The following STX3 variants were observed in gnomAD, a reference collection of about 807,000 sequenced individuals.
STX3 encodes syntaxin-3.
STX3 carries 19 observed loss-of-function variants against 40.2 expected under a neutral mutation model. That is an observed-to-expected ratio of 0.47 (90% CI 0.33 to 0.69). The LOEUF (loss-of-function observed/expected upper bound fraction) is 0.69, where lower values mean the gene tolerates loss of function less well. Among genes scored for constraint, STX3 ranks in the 30% least tolerant of loss-of-function variants. STX3 has a pLI of 0.02. For synonymous variants in STX3, 122 were observed against 132.2 expected, an observed-to-expected ratio of 0.92 and a Z score of 0.53; for missense variants, 364 against 366.7, an observed-to-expected ratio of 0.99 and a Z score of 0.06.
At chr11:59,755,683 G>GA (rs1590735128) in intron 1 of STX3, 48 bp downstream of exon 1, 2 of 1,562,616 alleles carry the variant, frequency 1.3e-6, no homozygotes, top group East Asian at 4.8e-5. Context: ...TGCTGCATGG[G>GA]AGAGGGGCTT....
At chr11:59,797,480 C>G in intron 10 of STX3, 84 bp downstream of exon 10, 1 of 1,014,564 alleles carries the variant, frequency 9.9e-7, no homozygotes, top group African/African-American at 1.6e-5. Context: ...CCTCTTCTTT[C>G]CCCCTATGAT....
Position 59,800,897 on chromosome 11 carries a change from A to C in STX3, c.*73A>C. 6.5e-7 allele frequency: 1 copy of C among 1,536,310 alleles called. No homozygotes were observed. Among genetic ancestry groups the C allele is most frequent in the South Asian group, 1.2e-5 (1 of 84,064 alleles). The stretch of plus-strand genomic sequence containing the variant: ...GACTGGTGTGGCCACCCTTGTCTTC[A>C]GATGAGAATGGAGTCTGAATGGCCT... On this transcript the variant is annotated 3_prime_UTR_variant, in exon 11 of 11. Transcript: ENST00000337979.
In STX3 at chr11:59,804,904, G is replaced by GA. The variant is rs1424303712; in HGVS notation, c.*4083dup. On this transcript the variant is annotated 3_prime_UTR_variant, in exon 11 of 11. Coordinates refer to ENST00000337979, the MANE Select transcript of STX3 (RefSeq NM_004177.5). ...CTGCTGGCCAGTAACGTATGTATAA[G>GA]AAACTGTTATAGGCCGGGCACGGTG... 6.6e-6 allele frequency: 1 copy of GA among 152,068 alleles called. No individual in the cohort carries two copies. Among genetic ancestry groups the GA allele is most frequent in the African/African-American group, 2.4e-5 (1 of 41,392 alleles). 9.4% of individuals were successfully genotyped at this position (152,068 alleles called of 1,614,324 possible). A position where few individuals can be genotyped will look rare whatever the true frequency, so the allele number is the denominator to read the frequency against.
At chr11:59,791,180 A>C (rs1213152354) in intron 5 of STX3, among the ~76,000 whole-genome samples, 1 of 152,170 alleles carries the variant, frequency 6.6e-6, no homozygotes, top group Non-Finnish European at 1.5e-5. Context: ...GCACAGGGGC[A>C]GGAGTGAGGC....
In STX3 at chr11:59,804,633, G is replaced by A. The variant is rs1290724274; in HGVS notation, c.*3809G>A. ...AAAATTTAAAGTGCTTTTTCTATGG[G>A]TGGTGATGGTGGAGTTCTAGCAACA... is the stretch of plus-strand genomic sequence containing the variant. On this transcript the variant is annotated 3_prime_UTR_variant, in exon 11 of 11. Transcript: ENST00000337979. 6 of 152,194 alleles carry A rather than the reference G, an allele frequency of 3.9e-5. No individual in the cohort carries two copies. Among genetic ancestry groups the A allele is most frequent in the African/African-American group, 1.4e-4 (6 of 41,446 alleles). The allele number at this position is 152,194 out of a possible 1,614,324, so 9.4% of individuals were successfully genotyped here. A position where few individuals can be genotyped will look rare whatever the true frequency, so the allele number is the denominator to read the frequency against.
chr11:59,791,560 T>C (rs78265499), intron 5 of STX3, among the ~76,000 whole-genome samples: 16,016 of 152,090 alleles, frequency 0.11, 1,199 homozygotes, highest in African/African-American at 0.21. Flanking sequence ...AAAAAGTATA[T>C]ATATTGGCGA....
intron 2 of STX3, chr11:59,781,213 T>C: frequency 1.3e-6 from 1 of 760,340 alleles, no homozygotes; most frequent in Non-Finnish European, 2.1e-6. Context: ...TTGAACACAG[T>C]AATGAAAAAA....
In STX3 at chr11:59,802,625, T is replaced by C. The variant is rs994949318; in HGVS notation, c.*1801T>C. On this transcript the variant is annotated 3_prime_UTR_variant, in exon 11 of 11. Transcript: ENST00000337979. ...GAATACAACATGTGAAGGTTTTTGT[T>C]GTTGTTTGTATTTTTTAGATGTAAA... The C allele has an allele frequency of 4.2e-5, 41 of 985,774 alleles. No individual in the cohort carries two copies. In the Middle Eastern group the frequency reaches 1.5e-3, roughly 37 times the overall value. 61.1% of individuals were successfully genotyped at this position (985,774 alleles called of 1,614,324 possible). A position where few individuals can be genotyped will look rare whatever the true frequency, so the allele number is the denominator to read the frequency against.
chr11:59,773,221 C>G lies in STX3; in HGVS notation c.41C>G (p.Thr14Arg), dbSNP rs1260299073. ...TTTTGCCTTTTGCAGAAGCAGCTGA[C>G]ACAGGATGATGATACTGATGCGGTT... is the stretch of plus-strand genomic sequence containing the variant. Reference protein sequence around the residue: ...RLEQLKAKQLTQDDDTDAVEI... With the variant: ...RLEQLKAKQLRQDDDTDAVEI... The change falls in exon 2 of 11, where the codon ACA (threonine) becomes AGA (arginine). Residue 14 changes from threonine (T) to arginine (R), a missense_variant. Thr to Arg is a moderately conservative substitution (Grantham distance 71). Transcript: ENST00000337979. 2 of 1,614,076 alleles carry G rather than the reference C, an allele frequency of 1.2e-6. No homozygotes were observed. The highest frequency in any genetic ancestry group is 1.7e-6 in the Non-Finnish European group (2 of 1,179,986).
intron 1 of STX3, among the ~76,000 whole-genome samples, chr11:59,770,034 ATG>A (rs555130242): frequency 3.5e-5 from 4 of 112,814 alleles, no homozygotes; most frequent in Non-Finnish European, 7.6e-5. Flanking sequence ...TGTGTGTGGG[ATG>A]TGTGTGTATG....
intron 10 of STX3, 125 bp from the exon 11 acceptor site, chr11:59,800,730 G>A (rs1052288697): frequency 6.1e-5 from 92 of 1,501,894 alleles, no homozygotes; most frequent in Middle Eastern, 1.7e-4. Flanking sequence ...TCTGTCCTGG[G>A]TTTGTCTATT....
chr11:59,803,132 A>C lies in STX3; in HGVS notation c.*2308A>C. 1 of 1,230,374 alleles carries C rather than the reference A, an allele frequency of 8.1e-7. No homozygotes were observed. 76.2% of individuals were successfully genotyped at this position (1,230,374 alleles called of 1,614,324 possible). A position where few individuals can be genotyped will look rare whatever the true frequency, so the allele number is the denominator to read the frequency against. On this transcript the variant is annotated 3_prime_UTR_variant, in exon 11 of 11. Coordinates refer to ENST00000337979, the MANE Select transcript of STX3 (RefSeq NM_004177.5). Reference sequence around the variant, plus strand: ...GCTCTCTTCCTTCACACCCTCTTCCATGTCCACATGCACTTATCTCCCTGC... The same window carrying C: ...GCTCTCTTCCTTCACACCCTCTTCCCTGTCCACATGCACTTATCTCCCTGC...
At chr11:59,771,580 C>G (rs1233543068) in intron 1 of STX3, among the ~76,000 whole-genome samples, 1 of 151,968 alleles carries the variant, frequency 6.6e-6, no homozygotes, top group Admixed American at 6.6e-5. Context: ...CAGAGGTTGT[C>G]CGAGCTGAGT....
At chr11:59,782,258 T>C (rs1159274417) in intron 2 of STX3, among the ~76,000 whole-genome samples, 3 of 152,252 alleles carry the variant, frequency 2.0e-5, no homozygotes, top group Non-Finnish European at 4.4e-5. Flanking sequence ...TTGACTTGGG[T>C]GTTGACCTTA....
At chr11:59,800,340 A>T in intron 10 of STX3, 1 of 985,400 alleles carries the variant, frequency 1.0e-6, no homozygotes, top group Non-Finnish European at 1.2e-6. Context: ...CTCATTTTAC[A>T]GACGGGGAAA....
chr11:59,770,112 G>A (rs891199971), intron 1 of STX3, among the ~76,000 whole-genome samples: 1 of 150,922 alleles, frequency 6.6e-6, no homozygotes, highest in African/African-American at 2.4e-5. Context: ...ATGGGTGTGG[G>A]TGTATGTGTG....
chr11:59,761,910 C>T (rs982441182), intron 1 of STX3, among the ~76,000 whole-genome samples: 1 of 151,988 alleles, frequency 6.6e-6, no homozygotes, highest in African/African-American at 2.4e-5. Flanking sequence ...CTGTCTAGTC[C>T]TCTCCTGGTT....
chr11:59,757,071 G>C (rs1392748086), intron 1 of STX3, among the ~76,000 whole-genome samples: 1 of 152,194 alleles, frequency 6.6e-6, no homozygotes, highest in Non-Finnish European at 1.5e-5. Context: ...CTTGTGCTTA[G>C]TCATCTCAGC....
chr11:59,801,748 T>C lies in STX3; in HGVS notation c.*924T>C. The C allele has an allele frequency of 1.0e-6, 1 of 985,628 alleles. No homozygotes were observed. 61.1% of individuals were successfully genotyped at this position (985,628 alleles called of 1,614,324 possible). A position where few individuals can be genotyped will look rare whatever the true frequency, so the allele number is the denominator to read the frequency against. ...ATGTGTTCCAGATGTATTCTAATTGTGTATGAAATGTATGTACACATAAGT... is the reference window on the plus strand; with the variant it reads ...ATGTGTTCCAGATGTATTCTAATTGCGTATGAAATGTATGTACACATAAGT... On this transcript the variant is annotated 3_prime_UTR_variant, in exon 11 of 11. Coordinates refer to ENST00000337979, the MANE Select transcript of STX3 (RefSeq NM_004177.5).
Sources: gnomAD v4.1 joint callset for allele counts (sites outside exome capture counted in the v4.1 genomes callset) on GRCh38, gnomAD v4.1.1 for gene constraint, MANE v1.5 for transcripts, NCBI Gene and HGNC (gene_info 2026-07-23, HGNC 2026-07-21) for gene names.